Variants in EXT1 observed in about 807,000 individuals in gnomAD.
EXT1 encodes exostosin glycosyltransferase 1, also known as exostosin-1.
Under a neutral mutation model 82.5 loss-of-function variants are expected in EXT1, and 20 were observed. The ratio of observed to expected loss-of-function variants is 0.24; its 90% CI spans 0.17 to 0.35. EXT1 has a LOEUF of 0.35. Among genes scored for constraint, EXT1 ranks in the 10% least tolerant of loss-of-function variants. EXT1 has a pLI of 1.00. For missense variants in EXT1, 757 were observed against 936.5 expected, an observed-to-expected ratio of 0.81 and a Z score of 2.50; for synonymous variants, 348 against 350.8, an observed-to-expected ratio of 0.99 and a Z score of 0.09.
At chr8:117,978,023 A>C (rs1713883517) in intron 1 of EXT1, among the ~76,000 whole-genome samples, 1 of 152,238 alleles carries the variant, frequency 6.6e-6, no homozygotes, top group Non-Finnish European at 1.5e-5. Flanking sequence ...AGGTTGTCTT[A>C]ACTCAGGGTC....
At chr8:118,080,514 T>G (rs1206608614) in intron 1 of EXT1, among the ~76,000 whole-genome samples, 2 of 152,142 alleles carry the variant, frequency 1.3e-5, no homozygotes, top group Admixed American at 6.6e-5. Context: ...GAAACATTAG[T>G]TTTTAAAGGA....
intron 1 of EXT1, among the ~76,000 whole-genome samples, chr8:117,866,165 C>A (rs1044686857): frequency 1.3e-5 from 2 of 152,154 alleles, no homozygotes; most frequent in Admixed American, 6.5e-5. Context: ...GCAGAGGTTG[C>A]AGTGAGCTGA....
At chr8:118,002,227 T>C (rs1815680350) in intron 1 of EXT1, among the ~76,000 whole-genome samples, 1 of 151,934 alleles carries the variant, frequency 6.6e-6, no homozygotes, top group African/African-American at 2.4e-5. Context: ...TTTAATATAT[T>C]AGTTGTTATC....
At chr8:117,897,787 G>C (rs17450863) in intron 1 of EXT1, among the ~76,000 whole-genome samples, 32,564 of 148,396 alleles carry the variant, frequency 0.22, 1,533 homozygotes, top group East Asian at 0.32. Context: ...TAGAGATGAG[G>C]TTTCGAGGTT....
intron 4 of EXT1, among the ~76,000 whole-genome samples, chr8:117,825,058 G>A (rs1811988058): frequency 1.3e-5 from 2 of 151,954 alleles, no homozygotes; most frequent in African/African-American, 4.8e-5. Flanking sequence ...TTTTTGTAGA[G>A]ATAAGGTCTC....
chr8:117,879,968 A>T (rs779299200), intron 1 of EXT1, among the ~76,000 whole-genome samples: 5 of 152,210 alleles, frequency 3.3e-5, no homozygotes, highest in Non-Finnish European at 5.9e-5. Flanking sequence ...ATTAGGGGGA[A>T]ATAATGAGTA....
chr8:118,092,665 G>A (rs556215810), intron 1 of EXT1, among the ~76,000 whole-genome samples: 108 of 152,262 alleles, frequency 7.1e-4, no homozygotes, highest in African/African-American at 2.5e-3. Flanking sequence ...GGGGACTTTC[G>A]AAAGTCCCTC....
At chr8:118,109,981 C>G (rs1298542550) in intron 1 of EXT1, 104 bp downstream of exon 1, 1 of 1,553,436 alleles carries the variant, frequency 6.4e-7, no homozygotes, top group African/African-American at 1.4e-5. Flanking sequence ...GGAAAGAGGA[C>G]TGAGGGCTCA....
intron 1 of EXT1, among the ~76,000 whole-genome samples, chr8:118,097,714 C>A (rs994509395): frequency 1.1e-4 from 16 of 152,214 alleles, no homozygotes; most frequent in African/African-American, 3.9e-4. Flanking sequence ...CGTGCACCTT[C>A]TTATTCACTG....
intron 5 of EXT1, among the ~76,000 whole-genome samples, chr8:117,821,008 C>T (rs1409478386): frequency 6.6e-6 from 1 of 152,148 alleles, no homozygotes; most frequent in Non-Finnish European, 1.5e-5. Flanking sequence ...AAGGAGTTTT[C>T]CCATAAGAAC....
chr8:117,807,484 C>T (rs367557133), intron 8 of EXT1, 107 bp from the exon 9 acceptor site: 56 of 1,256,180 alleles, frequency 4.5e-5, no homozygotes, highest in African/African-American at 2.9e-4. Context: ...GGGACTGTGG[C>T]GAAACATTAA....
At chr8:117,818,396 C>A (rs757245647) in intron 7 of EXT1, 39 bp downstream of exon 7, 2 of 1,563,902 alleles carry the variant, frequency 1.3e-6, no homozygotes, top group Non-Finnish European at 1.8e-6. Context: ...AACCAAGGCT[C>A]CACAGTGGTT....
At chr8:117,986,935 G>A (rs1379963808) in intron 1 of EXT1, among the ~76,000 whole-genome samples, 1 of 152,158 alleles carries the variant, frequency 6.6e-6, no homozygotes, top group Non-Finnish European at 1.5e-5. Flanking sequence ...TGAAATTAAT[G>A]CAAACCAAAC....
At chr8:117,919,731 T>C (rs1163580335) in intron 1 of EXT1, among the ~76,000 whole-genome samples, 2 of 152,086 alleles carry the variant, frequency 1.3e-5, no homozygotes, top group African/African-American at 4.8e-5. Flanking sequence ...TCTTAACTCC[T>C]GGGTTCAAGT....
intron 1 of EXT1, among the ~76,000 whole-genome samples, chr8:117,866,500 C>T (rs1812776420): frequency 6.6e-6 from 1 of 152,098 alleles, no homozygotes; most frequent in Middle Eastern, 3.2e-3. Context: ...ACTATCAATC[C>T]CACTTGCCCT....
intron 1 of EXT1, among the ~76,000 whole-genome samples, chr8:118,008,163 T>C (rs979750860): frequency 7.2e-5 from 11 of 152,202 alleles, no homozygotes; most frequent in Non-Finnish European, 1.3e-4. Flanking sequence ...AGTGAGAACA[T>C]GCAGTGTTTG....
In EXT1 at chr8:117,822,563, C is replaced by T. The variant is rs144550328; in HGVS notation, c.1319G>A (p.Arg440His). The change falls in exon 5 of 11, where the codon CGT becomes CAT. Residue 440 changes from arginine to histidine, a missense_variant. By Grantham distance (29) the Arg-to-His change is conservative. This residue lies in a region of EXT1 where 207 missense variants were observed against 224.2 expected (regional missense o/e 0.92). Transcript: ENST00000378204. The stretch of plus-strand genomic sequence containing the variant: ...ATGTTTGTTCCATATTAAACTGTTA[C>T]GTGATATGTGCTTGAATATTCTGTC... ...IQDRIFKHIS[R>H]NSLIWNKHPG... 333 of 1,613,272 alleles carry T rather than the reference C, an allele frequency of 2.1e-4. No individual in the cohort carries two copies. Among genetic ancestry groups the T allele is most frequent in the Admixed American group, 2.5e-4 (15 of 60,028 alleles).
At position 118,039,557 on chromosome 8, in the gene EXT1, CAAAAAAAAAA is replaced by C. The variant is rs71307422; in HGVS notation, c.962+70518_962+70527del. ...CCTGGACAAGAGAGAGACTCCGTCA[CAAAAAAAAAA>C]AAAAAAAAAAAAAATAAGATCCAGA... On this transcript the variant is annotated intron_variant, in intron 1 of 10. Coordinates refer to ENST00000378204, the MANE Select transcript of EXT1 (RefSeq NM_000127.3). 4.3e-4 allele frequency among the ~76,000 whole-genome samples: 35 copies of C among 82,098 alleles called. No homozygotes were observed. In the East Asian group the frequency reaches 0.014, roughly 32 times the overall value. The allele number at this position is 82,098 out of a possible 152,430, so 53.9% of individuals were successfully genotyped here.
intron 1 of EXT1, among the ~76,000 whole-genome samples, chr8:117,997,279 TATACTTTATATATA>T (rs1815565923): frequency 7.0e-6 from 1 of 143,600 alleles, no homozygotes; most frequent in East Asian, 2.0e-4. Context: ...TTTATATATA[TATACTTTATATATA>T]ATATACTTTA....
Sources: gnomAD v4.1 joint callset for allele counts (sites outside exome capture counted in the v4.1 genomes callset) on GRCh38, gnomAD v4.1.1 for gene constraint, gnomAD v4.1.1 regional missense constraint, MANE v1.5 for transcripts, NCBI Gene and HGNC (gene_info 2026-07-23, HGNC 2026-07-21) for gene names.